CLPTM1L: variants seen among roughly 807,000 people sequenced by gnomAD.
The protein encoded by CLPTM1L is CLPTM1 like, also known as lipid scramblase CLPTM1L.
Under a neutral mutation model 70.9 loss-of-function variants are expected in CLPTM1L, and 38 were observed. The observed-to-expected ratio is 0.54, with a 90% CI of 0.41 to 0.70. The LOEUF (loss-of-function observed/expected upper bound fraction) is 0.70. Ranked by LOEUF, CLPTM1L falls within the 30% of genes least tolerant of loss-of-function variation. The probability of loss-of-function intolerance (pLI) is 0.00; values close to 1 mark genes in which losing one functional copy is unlikely to be tolerated. For synonymous variants in CLPTM1L, 339 were observed against 299.9 expected, an observed-to-expected ratio of 1.13 and a Z score of -1.35; for missense variants, 652 against 705.9, an observed-to-expected ratio of 0.92 and a Z score of 0.87.
Position 1,338,939 on chromosome 5 carries a change from G to A in CLPTM1L, c.520C>T (p.Leu174=). 2 of 1,613,388 alleles carry A rather than the reference G, an allele frequency of 1.2e-6. No homozygotes were observed. The highest frequency in any genetic ancestry group is 2.2e-5 in the South Asian group (2 of 91,090). ...DEPVSHWRPR[L]ALNVMADNFV... ...TTGTCCGCCATCACGTTCAGCGCCA[G>A]CCGCGGTCGCCAGTGGGACACTGGC... Residue 174 remains leucine, a synonymous_variant, in exon 4 of 17, where the codon CTG becomes TTG. Transcript: ENST00000320895.
In CLPTM1L at chr5:1,324,802, G is replaced by C; in HGVS notation, c.1158C>G (p.Tyr386Ter). The change falls in exon 11 of 17, where the codon TAC becomes TAG. Residue 386 changes from tyrosine (Y) to a stop codon, truncating the protein, a stop_gained. Transcript: ENST00000320895. LOFTEE classifies it high-confidence loss of function. ...CCTCGGTTTTCCTCTCAGATTCGCTGTAAGTGCCAAACTGTTGTGAAATTC... is the reference window on the plus strand; with the variant it reads ...CCTCGGTTTTCCTCTCAGATTCGCTCTAAGTGCCAAACTGTTGTGAAATTC... Reference protein sequence around the residue: ...GLMPEFQFGTYSESERKTEEY... With the variant: ...GLMPEFQFGT 6.2e-7 allele frequency: 1 copy of C among 1,614,054 alleles called. No homozygotes were observed. Among genetic ancestry groups the C allele is most frequent in the Non-Finnish European group, 8.5e-7 (1 of 1,179,902 alleles).
intron 5 of CLPTM1L, 61 bp downstream of exon 5, chr5:1,337,843 G>A (rs1753674505): frequency 7.5e-7 from 1 of 1,341,820 alleles, no homozygotes; most frequent in Non-Finnish European, 1.1e-6. Flanking sequence ...GGGGCTGCGG[G>A]GCCAGTCTTG....
chr5:1,320,679 G>A lies in CLPTM1L; in HGVS notation c.1469C>T (p.Thr490Met), dbSNP rs151173760. ...CCGGAAGCAGGCCAGCCGGTGAGAC[G>A]TGGGCATGGTGATGATGAAGGCAAA... ...DVFAFIITMP[T>M]SHRLACFRDD... Residue 490 changes from threonine (T) to methionine (M), a missense_variant, in exon 16 of 17, where the codon ACG (threonine) becomes ATG (methionine). Physicochemically the swap from Thr to Met is moderately conservative, Grantham distance 81 (BLOSUM62 -1). Around this residue, in one of 3 missense-constraint regions of CLPTM1L, gnomAD observed 240 missense variants for 295.0 expected, o/e 0.81. Coordinates refer to ENST00000320895, the MANE Select transcript of CLPTM1L (RefSeq NM_030782.5). 12 of 1,548,412 alleles carry A rather than the reference G, an allele frequency of 7.7e-6. No homozygotes were observed. Among genetic ancestry groups the A allele is most frequent in the South Asian group, 3.6e-5 (3 of 83,806 alleles).
rs755306310 is a variant in CLPTM1L at position 1,338,829 on chromosome 5, C to A, written c.599+31G>T. ...CCAGCCAGGGTCCCAGCACCCTCCC[C>A]CCGGCGCTCCAGCTCTGGGGCCCCA... On this transcript the variant is annotated intron_variant, in intron 4 of 16. Coordinates refer to ENST00000320895, the MANE Select transcript of CLPTM1L (RefSeq NM_030782.5). 7 of 1,611,664 alleles carry A rather than the reference C, an allele frequency of 4.3e-6. No homozygotes were observed. In the South Asian group the frequency reaches 4.4e-5, roughly 10 times the overall value.
At chr5:1,319,164 C>A (rs1426236817) in intron 16 of CLPTM1L, among the ~76,000 whole-genome samples, 1 of 152,162 alleles carries the variant, frequency 6.6e-6, no homozygotes, top group African/African-American at 2.4e-5. Context: ...GGCGCAGCAG[C>A]GTCCGGGGCT....
At chr5:1,323,350 G>A (rs1038490885) in intron 12 of CLPTM1L, among the ~76,000 whole-genome samples, 1 of 127,392 alleles carries the variant, frequency 7.8e-6, no homozygotes, top group African/African-American at 2.6e-5. Flanking sequence ...GAGGCTGGGG[G>A]CTCCGGGATC....
chr5:1,333,593 C>A (rs1005939279), intron 7 of CLPTM1L, among the ~76,000 whole-genome samples: 1 of 147,632 alleles, frequency 6.8e-6, no homozygotes, highest in Non-Finnish European at 1.5e-5. Flanking sequence ...TGTATACACA[C>A]GGGATGAGGA....
In CLPTM1L at chr5:1,342,009, CGTGT is replaced by C. The variant is rs71598674; in HGVS notation, c.264-153_264-150del. 0.011 allele frequency: 5,344 copies of C among 498,906 alleles called. 59 individuals carry two copies. Among genetic ancestry groups the C allele is most frequent in the African/African-American group, 0.059 (2,374 of 40,134 alleles). The allele number at this position is 498,906 out of a possible 1,614,324, so 30.9% of individuals were successfully genotyped here. A position where few individuals can be genotyped will look rare whatever the true frequency, so the allele number is the denominator to read the frequency against. ...CCCACCTGCCCAGGGCTTTACGAGTCGTGTGTGTGTGTGTGTGTGTGTGTGTGTG... is the reference window on the plus strand; with the variant it reads ...CCCACCTGCCCAGGGCTTTACGAGTCGTGTGTGTGTGTGTGTGTGTGTGTG... On this transcript the variant is annotated intron_variant, in intron 2 of 16. Coordinates refer to ENST00000320895, the MANE Select transcript of CLPTM1L (RefSeq NM_030782.5). This position sits in a 1 kb window ranked among gnomAD's most constrained non-coding sequence, Gnocchi z 4.3.
At position 1,333,675 on chromosome 5, in the gene CLPTM1L, G is replaced by A. The variant is rs1264278795; in HGVS notation, c.891+614C>T. Among the ~76,000 whole-genome samples the A allele has an allele frequency of 1.8e-3, 189 of 102,946 alleles. 2 individuals carry two copies. The highest frequency in any genetic ancestry group is 2.0e-3 in the Non-Finnish European group (110 of 53,866). The allele number at this position is 102,946 out of a possible 152,430, so 67.5% of individuals were successfully genotyped here. On this transcript the variant is annotated intron_variant, in intron 7 of 16. Transcript: ENST00000320895. ...GTATACACACCGGCTGAGGATAAGG[G>A]GGGACTACTGTAGACACACCGCAAG... is the stretch of plus-strand genomic sequence containing the variant.
At chr5:1,337,394 C>T (rs962172144) in intron 5 of CLPTM1L, among the ~76,000 whole-genome samples, 1 of 152,238 alleles carries the variant, frequency 6.6e-6, no homozygotes. Flanking sequence ...GCCCAGAGAG[C>T]AGCCACTTCT....
At chr5:1,332,421 A>G (rs1468458161) in intron 7 of CLPTM1L, 2 of 152,640 alleles carry the variant, frequency 1.3e-5, no homozygotes, top group Non-Finnish European at 2.9e-5. Flanking sequence ...CCTTAGAGAC[A>G]CTGACCTTTT....
At chr5:1,328,976 A>G (rs193112488) in intron 9 of CLPTM1L, among the ~76,000 whole-genome samples, 3 of 134,056 alleles carry the variant, frequency 2.2e-5, no homozygotes, top group East Asian at 2.2e-4. Context: ...CACATTTCAT[A>G]CAGCTCCTCC....
At chr5:1,319,168 C>T (rs530282152) in intron 16 of CLPTM1L, among the ~76,000 whole-genome samples, 11 of 152,294 alleles carry the variant, frequency 7.2e-5, no homozygotes, top group East Asian at 3.9e-4. Context: ...CAGCAGCGTC[C>T]GGGGCTCCGT....
intron 3 of CLPTM1L, among the ~76,000 whole-genome samples, chr5:1,341,090 C>T (rs1753909682): frequency 6.6e-6 from 1 of 152,230 alleles, no homozygotes; most frequent in African/African-American, 2.4e-5. Flanking sequence ...ATCTCACCTT[C>T]CACTCAACAC....
chr5:1,318,348 T>C lies in CLPTM1L; in HGVS notation c.*21A>G. The C allele has an allele frequency of 6.2e-7, 1 of 1,605,116 alleles. No individual in the cohort carries two copies. Among genetic ancestry groups the C allele is most frequent in the Non-Finnish European group, 8.5e-7 (1 of 1,172,812 alleles). ...ATTGACAATTCAAGTTGCACTTGGC[T>C]GGCGGCAGCCCGGGCGGCCTTCAGT... On this transcript the variant is annotated 3_prime_UTR_variant, in exon 17 of 17. Coordinates refer to ENST00000320895, the MANE Select transcript of CLPTM1L (RefSeq NM_030782.5). This position sits in a 1 kb window ranked among gnomAD's most constrained non-coding sequence, Gnocchi z 8.9.
At chr5:1,334,419 G>T in intron 6 of CLPTM1L, 36 bp from the exon 7 acceptor site, 1 of 1,397,874 alleles carries the variant, frequency 7.2e-7, no homozygotes, top group Non-Finnish European at 1.0e-6. Context: ...TATAAAACAG[G>T]CAATGTCAAT....
chr5:1,332,953 C>A (rs1753206910), intron 7 of CLPTM1L, among the ~76,000 whole-genome samples: 2 of 151,222 alleles, frequency 1.3e-5, no homozygotes, highest in South Asian at 4.2e-4. Flanking sequence ...TGTATATACA[C>A]TGGATGAGAA....
chr5:1,323,093 C>A (rs1752255105), intron 12 of CLPTM1L, among the ~76,000 whole-genome samples, 182 bp from the exon 13 acceptor site: 2 of 152,148 alleles, frequency 1.3e-5, no homozygotes, highest in Non-Finnish European at 2.9e-5. Context: ...GCGCTGAGCA[C>A]CCCCGGCCGG....
chr5:1,335,048 G>A lies in CLPTM1L; in HGVS notation c.796+9C>T, dbSNP rs370635276. 29 of 1,609,398 alleles carry A rather than the reference G, an allele frequency of 1.8e-5. No individual in the cohort carries two copies. The highest frequency in any genetic ancestry group is 1.7e-4 in the Middle Eastern group (1 of 6,046). ...CCTCACCCAGGCGCCGGCCGTGTGC[G>A]GCACATACCGAACTGCTGCAGGGAG... On this transcript the variant is annotated intron_variant, in intron 6 of 16. Coordinates refer to ENST00000320895, the MANE Select transcript of CLPTM1L (RefSeq NM_030782.5).
Sources: gnomAD v4.1 joint callset for allele counts (sites outside exome capture counted in the v4.1 genomes callset) on GRCh38, gnomAD v4.1.1 for gene constraint, gnomAD v4.1.1 regional missense constraint, Gnocchi (gnomAD v3.1) non-coding constraint, MANE v1.5 for transcripts, NCBI Gene and HGNC (gene_info 2026-07-23, HGNC 2026-07-21) for gene names.